The following CXADR variants were observed in gnomAD, a reference collection of about 807,000 sequenced individuals.
CXADR encodes CXADR cell adhesion molecule.
In CXADR, 20 loss-of-function variants were observed where a neutral mutation model predicts 40.3. That is an observed-to-expected ratio of 0.50 (90% confidence interval 0.35 to 0.72). The LOEUF (loss-of-function observed/expected upper bound fraction) is 0.72. CXADR is among the 30% of genes least tolerant of loss of function. The probability of loss-of-function intolerance (pLI) is 0.01; values close to 1 mark genes in which losing one functional copy is unlikely to be tolerated. For synonymous variants in CXADR, 150 were observed against 161.3 expected, an observed-to-expected ratio of 0.93 and a Z score of 0.53; for missense variants, 332 against 449.1, an observed-to-expected ratio of 0.74 and a Z score of 2.36.
intron 1 of CXADR, among the ~76,000 whole-genome samples, chr21:17,526,878 A>G (rs1301376455): frequency 1.3e-5 from 2 of 151,982 alleles, no homozygotes; most frequent in Non-Finnish European, 2.9e-5. Flanking sequence ...TTCCTGTCTC[A>G]TGTTAATTGA....
chr21:17,606,990 TACAA>T, the CXADR span, among the ~76,000 whole-genome samples: 1 of 152,180 alleles, frequency 6.6e-6, no homozygotes, highest in African/African-American at 2.4e-5. Flanking sequence ...AATTTCAACT[TACAA>T]ACATTTTGTA....
At chr21:17,605,027 T>G in the CXADR span, 22 of 1,604,196 alleles carry the variant, frequency 1.4e-5, no homozygotes, top group Non-Finnish European at 1.8e-5. Flanking sequence ...CGTTAATGGA[T>G]TTAAATGAAT....
At chr21:17,604,416 G>C in the CXADR span, 1 of 183,842 alleles carries the variant, frequency 5.4e-6, no homozygotes, top group Admixed American at 5.7e-5. Flanking sequence ...TTGCGCTCCA[G>C]CCTGGGCAAC....
At chr21:17,516,961 C>A (rs867413527) in intron 1 of CXADR, among the ~76,000 whole-genome samples, 8 of 151,108 alleles carry the variant, frequency 5.3e-5, no homozygotes, top group African/African-American at 1.7e-4. Context: ...AGAAAAAAAA[C>A]AGAAAAATAC....
rs373959241 is a variant in CXADR at position 17,560,824 on chromosome 21, C to G, written c.694C>G (p.Pro232Ala). 1 of 1,612,564 alleles carries G rather than the reference C, an allele frequency of 6.2e-7. No homozygotes were observed. The highest frequency in any genetic ancestry group is 8.5e-7 in the Non-Finnish European group (1 of 1,179,378). Residue 232 changes from proline (P) to alanine (A), a missense_variant and splice_region_variant, in exon 5 of 7, where the codon CCT becomes GCT. Physicochemically the swap from Pro to Ala is conservative, Grantham distance 27. Coordinates refer to ENST00000284878, the MANE Select transcript of CXADR (RefSeq NM_001338.5). ...CCTGTTGCGTCTAAACGTTGTCCCT[C>G]GTAAGTTATCTTCTTTCTGTTGGTG... ...QCLLRLNVVPPSNKAGLIAGA... is the reference protein window; with the variant it reads ...QCLLRLNVVPASNKAGLIAGA...
chr21:17,558,076 A>C (rs2061058504), intron 3 of CXADR, among the ~76,000 whole-genome samples: 1 of 57,372 alleles, frequency 1.7e-5, no homozygotes, highest in Non-Finnish European at 4.2e-5. Context: ...ATAACCTCAG[A>C]TTTCCTTTTT....
the CXADR span, among the ~76,000 whole-genome samples, chr21:17,607,663 A>G: frequency 6.6e-6 from 1 of 152,030 alleles, no homozygotes. Flanking sequence ...GGCAGAAAGG[A>G]AGTCCTTCTG....
intron 1 of CXADR, among the ~76,000 whole-genome samples, chr21:17,544,124 G>T (rs1417578385): frequency 6.6e-6 from 1 of 152,170 alleles, no homozygotes. Context: ...AAGTGATACC[G>T]ATGGTAGAAA....
intron 1 of CXADR, among the ~76,000 whole-genome samples, chr21:17,534,019 T>TATATATAGCTATATATATATATATACTC (rs1356079376): frequency 1.2e-5 from 1 of 81,400 alleles, no homozygotes; most frequent in Non-Finnish European, 2.7e-5. Flanking sequence ...TATATATATA[T>TATATATAGCTATATATATATATATACTC]ATATATATAG....
At chr21:17,590,549 G>A (rs1206559081) in intron 7 of CXADR, among the ~76,000 whole-genome samples, 3 of 152,026 alleles carry the variant, frequency 2.0e-5, no homozygotes, top group Admixed American at 6.6e-5. Context: ...GCTCATGAGT[G>A]CTTGTGTGAC....
chr21:17,584,489 T>C (rs2061381231), intron 7 of CXADR, among the ~76,000 whole-genome samples: 3 of 152,216 alleles, frequency 2.0e-5, no homozygotes, highest in Non-Finnish European at 4.4e-5. Context: ...CTAATGTATT[T>C]GGACATCTTA....
chr21:17,572,721 C>G (rs181412548), downstream of CXADR, among the ~76,000 whole-genome samples: 4 of 150,072 alleles, frequency 2.7e-5, no homozygotes, highest in Non-Finnish European at 4.4e-5. Flanking sequence ...TTTTTTTCCC[C>G]TGGGCTTCAC....
chr21:17,615,576 C>G, the CXADR span, among the ~76,000 whole-genome samples: 1 of 152,164 alleles, frequency 6.6e-6, no homozygotes, highest in Non-Finnish European at 1.5e-5. Context: ...TATGCTCGCT[C>G]TCTCTCAAAA....
chr21:17,518,138 A>G (rs1251273181), intron 1 of CXADR, among the ~76,000 whole-genome samples: 1 of 151,470 alleles, frequency 6.6e-6, no homozygotes, highest in Non-Finnish European at 1.5e-5. Flanking sequence ...TAACAAATGT[A>G]AAGATTTTTT....
intron 4 of CXADR, among the ~76,000 whole-genome samples, chr21:17,559,397 C>T (rs750287763): frequency 1.2e-4 from 18 of 151,810 alleles, no homozygotes; most frequent in Non-Finnish European, 2.1e-4. Context: ...GTTGCCTGTG[C>T]TGGTCTCAAA....
At chr21:17,565,386 A>G in intron 6 of CXADR, 42 bp from the exon 7 acceptor site, 1 of 1,591,012 alleles carries the variant, frequency 6.3e-7, no homozygotes, top group East Asian at 2.2e-5. Flanking sequence ...AGGTTTTTAG[A>G]AACTTATTCT....
the CXADR span, among the ~76,000 whole-genome samples, chr21:17,635,538 C>T: frequency 6.6e-6 from 1 of 152,146 alleles, no homozygotes; most frequent in African/African-American, 2.4e-5. Context: ...GGTGGAATCA[C>T]TTGGGCACTG....
intron 1 of CXADR, among the ~76,000 whole-genome samples, chr21:17,530,114 A>ATTTTTTTTTTTT (rs56341807): frequency 6.8e-4 from 65 of 94,948 alleles, no homozygotes; most frequent in Non-Finnish European, 9.2e-4. Flanking sequence ...ATGCCAGGCT[A>ATTTTTTTTTTTT]TTTTTTTTTT....
rs393317 is a variant in CXADR at position 17,565,942 on chromosome 21, T to A, written c.*250T>A. 8.7e-6 allele frequency: 10 copies of A among 1,149,112 alleles called. No homozygotes were observed. The African/African-American group carries it at 1.4e-4, about 17-fold the overall frequency. The allele number at this position is 1,149,112 out of a possible 1,614,324, so 71.2% of individuals were successfully genotyped here. ...TTTCTTTAAGAGGTTGATTATAAAG[T>A]TTTCTAAATTTATCAGTACCTAAGT... On this transcript the variant is annotated 3_prime_UTR_variant, in exon 7 of 7. Coordinates refer to ENST00000284878, the MANE Select transcript of CXADR (RefSeq NM_001338.5).
Sources: allele counts gnomAD v4.1 joint callset (sites outside exome capture counted in the v4.1 genomes callset), GRCh38; gene constraint gnomAD v4.1.1; transcripts MANE v1.5; gene names NCBI Gene and HGNC (gene_info 2026-07-23, HGNC 2026-07-21).